SLCO1A2: variants seen among roughly 807,000 people sequenced by gnomAD.
The protein encoded by SLCO1A2 is OATP-1.
SLCO1A2 carries 67 observed loss-of-function variants against 69.0 expected under a neutral mutation model. The ratio of observed to expected loss-of-function variants is 0.97; its 90% CI spans 0.80 to 1.19. The LOEUF (loss-of-function observed/expected upper bound fraction) is 1.19. Among genes scored for constraint, SLCO1A2 ranks in the 50% most tolerant of loss-of-function variants. The pLI is 0.00. For missense variants in SLCO1A2, 787 were observed against 793.7 expected (o/e 0.99, Z 0.10); for synonymous variants, 260 against 265.9 (o/e 0.98, Z 0.22).
intron 1 of SLCO1A2, among the ~76,000 whole-genome samples, chr12:21,381,941 T>C (rs192956815): frequency 6.6e-6 from 1 of 152,350 alleles, no homozygotes; most frequent in East Asian, 1.9e-4. Context: ...GAGATAAAAG[T>C]ACATCTACAA....
At chr12:21,328,968 A>T (rs1316806336) in intron 2 of SLCO1A2, among the ~76,000 whole-genome samples, 6 of 152,282 alleles carry the variant, frequency 3.9e-5, no homozygotes, top group African/African-American at 1.4e-4. Flanking sequence ...TTGGCATTTT[A>T]TAGGGATGGT....
At chr12:21,310,655 G>A (rs1213692330) in intron 4 of SLCO1A2, among the ~76,000 whole-genome samples, 2 of 152,242 alleles carry the variant, frequency 1.3e-5, no homozygotes, top group Non-Finnish European at 2.9e-5. Flanking sequence ...AGGCTGGAGT[G>A]CAAGTGGCAC....
intron 3 of SLCO1A2, among the ~76,000 whole-genome samples, chr12:21,316,163 C>T (rs1442768619): frequency 1.3e-5 from 2 of 152,152 alleles, no homozygotes; most frequent in Admixed American, 6.5e-5. Context: ...GGCCTTACCA[C>T]GTTCCTTCAG....
At chr12:21,398,569 C>T (rs983332897), upstream of SLCO1A2, among the ~76,000 whole-genome samples, 3 of 151,674 alleles carry the variant, frequency 2.0e-5, no homozygotes, top group African/African-American at 4.8e-5. Flanking sequence ...AGAGACACAA[C>T]AAAAAAAGAG....
upstream of SLCO1A2, among the ~76,000 whole-genome samples, chr12:21,418,664 T>C (rs1942027795): frequency 6.6e-6 from 1 of 152,092 alleles, no homozygotes; most frequent in Non-Finnish European, 1.5e-5. Context: ...GCCCCGTGAT[T>C]CAATTATCTC....
intron 12 of SLCO1A2, among the ~76,000 whole-genome samples, chr12:21,276,148 G>T (rs1472587696): frequency 6.6e-6 from 1 of 152,014 alleles, no homozygotes; most frequent in Non-Finnish European, 1.5e-5. Context: ...GTAAGGTTTG[G>T]AAGTGAAAAG....
chr12:21,329,025 T>C (rs991397829), intron 2 of SLCO1A2, among the ~76,000 whole-genome samples: 6 of 152,174 alleles, frequency 3.9e-5, no homozygotes, highest in Non-Finnish European at 8.8e-5. Flanking sequence ...GTAGCAATTA[T>C]CCAGTCAGTT....
Position 21,288,199 on chromosome 12 carries a change from TGGGAGG to T in SLCO1A2, c.1610+3959_1610+3964del, listed in dbSNP as rs537056651. On this transcript the variant is annotated intron_variant, in intron 12 of 14. Transcript: ENST00000683939. ...GCTCATGCCTGTAATCCCAGCACTT[TGGGAGG>T]CCAAAGCAGATGGATCATCTGAGAT... Among the ~76,000 whole-genome samples the T allele has an allele frequency of 2.1e-3, 320 of 152,164 alleles. 1 individual carries two copies. The highest frequency in any genetic ancestry group is 7.3e-3 in the African/African-American group (303 of 41,524).
chr12:21,314,436 C>T, intron 4 of SLCO1A2, 113 bp downstream of exon 4: 1 of 1,102,494 alleles, frequency 9.1e-7, no homozygotes, highest in Non-Finnish European at 1.3e-6. Flanking sequence ...TCTTCCCCTT[C>T]CCATTACAGT....
rs1408719835 is a variant in SLCO1A2 at position 21,326,000 on chromosome 12, C to T, written c.61-7077G>A. On this transcript the variant is annotated intron_variant, in intron 2 of 14. Transcript: ENST00000683939. ...ACCAAAATCTCATCTTGAATAGTAG[C>T]TCCCATAATCCCCACATGCTGTGAG... Among the ~76,000 whole-genome samples, 3 of 152,148 alleles carry T rather than the reference C, an allele frequency of 2.0e-5. 1 individual carries two copies. The highest frequency in any genetic ancestry group is 4.1e-4 in the South Asian group (2 of 4,828).
intron 2 of SLCO1A2, among the ~76,000 whole-genome samples, chr12:21,343,753 T>A (rs1953154676): frequency 6.6e-6 from 1 of 152,060 alleles, no homozygotes; most frequent in Admixed American, 6.6e-5. Context: ...TGTATGTTTA[T>A]AAAACACAGG....
At chr12:21,400,330 C>CCAT (rs1374678535), upstream of SLCO1A2, among the ~76,000 whole-genome samples, 5 of 152,068 alleles carry the variant, frequency 3.3e-5, no homozygotes, top group African/African-American at 1.2e-4. Context: ...CAATGAGATA[C>CCAT]CATCTCACAC....
chr12:21,379,714 A>G (rs1391252946), intron 1 of SLCO1A2: 1 of 152,192 alleles, frequency 6.6e-6, no homozygotes, highest in African/African-American at 2.4e-5. Context: ...GCGTTATGCC[A>G]TTTCTAAAGA....
chr12:21,289,401 G>C (rs112755939), intron 12 of SLCO1A2, among the ~76,000 whole-genome samples: 1,606 of 152,208 alleles, frequency 0.011, 7 homozygotes, highest in Middle Eastern at 0.024. Flanking sequence ...TGGCCTCCCA[G>C]ACTGATGTTG....
At chr12:21,402,475 A>T (rs1941737971) in intron 1 of SLCO1A2, among the ~76,000 whole-genome samples, 1 of 152,082 alleles carries the variant, frequency 6.6e-6, no homozygotes, top group African/African-American at 2.4e-5. Flanking sequence ...CAATACCCTT[A>T]TTTTTGCATA....
rs1948668993 is a variant in SLCO1A2 at position 21,301,201 on chromosome 12, C to T, written c.658G>A (p.Val220Ile). 1.2e-6 allele frequency: 2 copies of T among 1,612,444 alleles called. No homozygotes were observed. The highest frequency in any genetic ancestry group is 1.7e-6 in the Non-Finnish European group (2 of 1,179,194). ...GLLLASFCAN[V>I]YVDTGFVNTD... ...TTCACAAATCCAGTGTCAACATAAA[C>T]ATTTGCACAGAATGATGCCAACAAA... The change falls in exon 7 of 15, where the codon GTT (valine) becomes ATT (isoleucine). Residue 220 changes from valine (V) to isoleucine (I), a missense_variant. By Grantham distance (29) the Val-to-Ile change is conservative (BLOSUM62 3). Coordinates refer to ENST00000683939, the MANE Select transcript of SLCO1A2 (RefSeq NM_001386879.1).
intron 2 of SLCO1A2, among the ~76,000 whole-genome samples, chr12:21,332,439 T>C (rs949509657): frequency 1.3e-5 from 2 of 152,082 alleles, no homozygotes; most frequent in African/African-American, 4.8e-5. Context: ...GATATAAATG[T>C]TTCTTATCAG....
chr12:21,292,102 T>G, intron 12 of SLCO1A2, 62 bp downstream of exon 12: 1 of 1,237,054 alleles, frequency 8.1e-7, no homozygotes, highest in South Asian at 1.6e-5. Context: ...GTGACTTTCT[T>G]AGAACAAGCT....
intron 2 of SLCO1A2, among the ~76,000 whole-genome samples, chr12:21,366,610 G>A (rs1006619121): frequency 3.3e-5 from 5 of 151,944 alleles, no homozygotes; most frequent in South Asian, 4.2e-4. Context: ...GGGATCTGAA[G>A]GAAATGAAGA....
Sources: allele counts gnomAD v4.1 joint callset (sites outside exome capture counted in the v4.1 genomes callset), GRCh38; gene constraint gnomAD v4.1.1; transcripts MANE v1.5; gene names NCBI Gene and HGNC (gene_info 2026-07-23, HGNC 2026-07-21).